Variants in ATP9A observed in about 807,000 individuals in gnomAD.
The protein encoded by ATP9A is ATPase phospholipid transporting 9A.
A neutral mutation model predicts 144.1 loss-of-function variants in ATP9A; 52 were observed. The ratio of observed to expected loss-of-function variants is 0.36; its 90% CI spans 0.29 to 0.45. The LOEUF (loss-of-function observed/expected upper bound fraction) is 0.45, where lower values mean the gene tolerates loss of function less well. ATP9A is among the 20% of genes least tolerant of loss of function. The probability of loss-of-function intolerance (pLI) is 1.00; values close to 1 mark genes in which losing one functional copy is unlikely to be tolerated. For missense variants in ATP9A, 947 were observed against 1,392.7 expected (o/e 0.68, Z 5.09); for synonymous variants, 582 against 557.4 (o/e 1.04, Z -0.62).
At chr20:51,744,998 G>C (rs191754847) in intron 1 of ATP9A, among the ~76,000 whole-genome samples, 3 of 151,538 alleles carry the variant, frequency 2.0e-5, no homozygotes, top group African/African-American at 7.3e-5. Flanking sequence ...GGCATGGGCC[G>C]GGTGCAGTGG....
In ATP9A at chr20:51,729,978, C is replaced by T; in HGVS notation, c.69G>A (p.Gly23=). 1 of 1,534,728 alleles carries T rather than the reference C, an allele frequency of 6.5e-7. No homozygotes were observed. Among genetic ancestry groups the T allele is most frequent in the Non-Finnish European group, 8.7e-7 (1 of 1,146,128 alleles). ...CGCAGCATCTCAGCCACTCGCAGCA[C>T]CTGTGGGAAAGAAACCCACGCATCA... ...KKRMDSRPRA[G]CCEWLRCCGG... The change falls in exon 2 of 28, where the codon GGG becomes GGA. Residue 23 remains glycine, a splice_region_variant and synonymous_variant. Coordinates refer to ENST00000338821, the MANE Select transcript of ATP9A (RefSeq NM_006045.3).
rs1175676776 is a variant in ATP9A at position 51,690,799 on chromosome 20, C to A, written c.663G>T (p.Ser221=). Residue 221 remains serine (S), a synonymous_variant, in exon 8 of 28, where the codon TCG becomes TCT. Transcript: ENST00000338821. The part of the protein sequence containing the change: ...PTAADLLQIR[S]YVYAEEPNID... ...TATTTGGCTCTTCTGCGTACACATA[C>A]GATCGAATCTGAAGAAGGTCCTGTT... 7 of 1,614,104 alleles carry A rather than the reference C, an allele frequency of 4.3e-6. No individual in the cohort carries two copies. The South Asian group carries it at 5.5e-5, about 13-fold the overall frequency.
intron 1 of ATP9A, among the ~76,000 whole-genome samples, chr20:51,741,122 G>A (rs1189224263): frequency 1.3e-5 from 2 of 150,176 alleles, no homozygotes; most frequent in East Asian, 2.0e-4. Context: ...ATAGCTACAT[G>A]TGACCACTAA....
chr20:51,650,600 A>T (rs2077359991), intron 14 of ATP9A, among the ~76,000 whole-genome samples: 1 of 152,162 alleles, frequency 6.6e-6, no homozygotes, highest in Non-Finnish European at 1.5e-5. Flanking sequence ...ATTCTAATAC[A>T]TGCAAAGAAT....
rs1466300977 is a variant in ATP9A, at chr20:51,597,000, A to T, written c.*4211T>A. ...TTTGCAATGAGGATTACAGAGAGAGAGATCAACCAATGAGGAAATCACAGA... is the reference window on the plus strand; with the variant it reads ...TTTGCAATGAGGATTACAGAGAGAGTGATCAACCAATGAGGAAATCACAGA... On this transcript the variant is annotated 3_prime_UTR_variant, in exon 28 of 28. Coordinates refer to ENST00000338821, the MANE Select transcript of ATP9A (RefSeq NM_006045.3). 1 of 152,208 alleles carries T rather than the reference A, an allele frequency of 6.6e-6. No individual in the cohort carries two copies. The highest frequency in any genetic ancestry group is 1.5e-5 in the Non-Finnish European group (1 of 68,034). The allele number at this position is 152,208 out of a possible 1,614,324, so 9.4% of individuals were successfully genotyped here. A position where few individuals can be genotyped will look rare whatever the true frequency, so the allele number is the denominator to read the frequency against.
At chr20:51,750,864 G>C (rs1012737593) in intron 1 of ATP9A, among the ~76,000 whole-genome samples, 1 of 152,080 alleles carries the variant, frequency 6.6e-6, no homozygotes, top group Non-Finnish European at 1.5e-5. Context: ...ACCCAGCAGA[G>C]ACACACCAAG....
intron 5 of ATP9A, among the ~76,000 whole-genome samples, chr20:51,696,865 C>T (rs554874372): frequency 1.1e-3 from 174 of 152,244 alleles, no homozygotes; most frequent in African/African-American, 4.0e-3. Flanking sequence ...CCTCAAAATC[C>T]AATACCTTCC....
chr20:51,691,550 G>GT (rs1411862605), intron 7 of ATP9A, among the ~76,000 whole-genome samples: 1 of 151,666 alleles, frequency 6.6e-6, no homozygotes, highest in Non-Finnish European at 1.5e-5. Flanking sequence ...GCTGAAAAAA[G>GT]TAAGAACGCC....
At chr20:51,685,299 G>T (rs1048195783) in intron 9 of ATP9A, among the ~76,000 whole-genome samples, 1 of 152,116 alleles carries the variant, frequency 6.6e-6, no homozygotes, top group Non-Finnish European at 1.5e-5. Context: ...ATAGGCACAC[G>T]CCTGTAATCC....
intron 3 of ATP9A, among the ~76,000 whole-genome samples, chr20:51,720,556 C>T (rs1458997659): frequency 1.3e-5 from 2 of 152,160 alleles, no homozygotes; most frequent in Non-Finnish European, 2.9e-5. Context: ...GTTTCCTAGG[C>T]CTAGCGCAGT....
chr20:51,692,937 A>G (rs1371670834), intron 7 of ATP9A, among the ~76,000 whole-genome samples: 1 of 152,198 alleles, frequency 6.6e-6, no homozygotes, highest in Non-Finnish European at 1.5e-5. Context: ...CCGCCAAGAC[A>G]TGGAACTTTC....
intron 1 of ATP9A, among the ~76,000 whole-genome samples, chr20:51,738,444 C>T (rs2077771625): frequency 6.6e-6 from 1 of 152,046 alleles, no homozygotes; most frequent in African/African-American, 2.4e-5. Context: ...TGACTCACGC[C>T]TGTAATCCCA....
At chr20:51,714,823 T>C (rs1472996450) in intron 3 of ATP9A, among the ~76,000 whole-genome samples, 2 of 152,242 alleles carry the variant, frequency 1.3e-5, no homozygotes, top group African/African-American at 4.8e-5. Context: ...AAAGTATTAA[T>C]TGCATAAGTA....
Position 51,627,766 on chromosome 20 carries a change from T to C in ATP9A, c.1762-83A>G. 2.7e-6 allele frequency: 3 copies of C among 1,129,472 alleles called. No individual in the cohort carries two copies. The South Asian group carries it at 3.8e-5, about 14-fold the overall frequency. 70.0% of individuals were successfully genotyped at this position (1,129,472 alleles called of 1,614,324 possible). On this transcript the variant is annotated intron_variant, in intron 16 of 27. Coordinates refer to ENST00000338821, the MANE Select transcript of ATP9A (RefSeq NM_006045.3). ...GGAAGGACCAGTGCCCAAGTGGATG[T>C]GCCCCTCCCACAGGGTCAGAGAAAA...
intron 9 of ATP9A, among the ~76,000 whole-genome samples, chr20:51,680,428 C>T (rs531209745): frequency 6.6e-6 from 1 of 152,106 alleles, no homozygotes; most frequent in Admixed American, 6.5e-5. Context: ...TGTTCCTCAA[C>T]CTGGGCTCTG....
intron 4 of ATP9A, among the ~76,000 whole-genome samples, chr20:51,705,012 T>C (rs775291041): frequency 6.6e-6 from 1 of 152,154 alleles, no homozygotes; most frequent in Non-Finnish European, 1.5e-5. Context: ...AGTCTATCCA[T>C]ACCATTCTCT....
chr20:51,721,677 T>C (rs1173914243), intron 3 of ATP9A, among the ~76,000 whole-genome samples: 1 of 151,344 alleles, frequency 6.6e-6, no homozygotes, highest in Non-Finnish European at 1.5e-5. Flanking sequence ...GGCAGGCGCC[T>C]GTAGTCCCAG....
intron 1 of ATP9A, among the ~76,000 whole-genome samples, chr20:51,768,094 G>T (rs1339571839): frequency 6.6e-6 from 1 of 151,964 alleles, no homozygotes; most frequent in Non-Finnish European, 1.5e-5. Context: ...CCGGGCGCTC[G>T]AACCCCAAAG....
intron 1 of ATP9A, among the ~76,000 whole-genome samples, chr20:51,731,591 C>A (rs1309473050): frequency 6.6e-6 from 1 of 151,780 alleles, no homozygotes; most frequent in East Asian, 2.0e-4. Flanking sequence ...TGGTGGCAGA[C>A]GCCTATAATC....
Sources: gnomAD v4.1 joint callset for allele counts (sites outside exome capture counted in the v4.1 genomes callset) on GRCh38, gnomAD v4.1.1 for gene constraint, MANE v1.5 for transcripts, NCBI Gene and HGNC (gene_info 2026-07-23, HGNC 2026-07-21) for gene names.